MDGA2: variants seen among roughly 807,000 people sequenced by gnomAD.
MDGA2 encodes the protein MAM domain containing glycosylphosphatidylinositol anchor 2, also known as MAM domain-containing glycosylphosphatidylinositol anchor protein 2.
In MDGA2, 40 loss-of-function variants were observed where a neutral mutation model predicts 117.8. The ratio of observed to expected loss-of-function variants is 0.34; its 90% CI spans 0.26 to 0.44. The LOEUF is 0.44. Among genes scored for constraint, MDGA2 ranks in the 20% least tolerant of loss-of-function variants. The probability of loss-of-function intolerance (pLI) is 1.00; values close to 1 mark genes in which losing one functional copy is unlikely to be tolerated. For missense variants in MDGA2, 1,123 were observed against 1,250.6 expected, an observed-to-expected ratio of 0.90 and a Z score of 1.54; for synonymous variants, 452 against 439.0, an observed-to-expected ratio of 1.03 and a Z score of -0.37.
chr14:46,849,579 G>A (rs1285715180), intron 15 of MDGA2, among the ~76,000 whole-genome samples: 1 of 151,558 alleles, frequency 6.6e-6, no homozygotes, highest in Non-Finnish European at 1.5e-5. Context: ...ATGTGCCTTA[G>A]CCAAACTTTT....
At chr14:47,078,067 T>C (rs1044492072) in intron 6 of MDGA2, among the ~76,000 whole-genome samples, 1 of 152,176 alleles carries the variant, frequency 6.6e-6, no homozygotes, top group South Asian at 2.1e-4. Context: ...TGATATAATA[T>C]GATAGGATAT....
chr14:47,058,733 C>A, intron 7 of MDGA2: 1 of 985,346 alleles, frequency 1.0e-6, no homozygotes, highest in African/African-American at 1.7e-5. Context: ...CATCAAAGGT[C>A]AGTTTTGGCT....
At chr14:47,630,324 AC>A (rs1407889928) in intron 1 of MDGA2, among the ~76,000 whole-genome samples, 3 of 152,186 alleles carry the variant, frequency 2.0e-5, no homozygotes, top group Admixed American at 2.0e-4. Flanking sequence ...TACTATGGAA[AC>A]TAAATTTTTA....
chr14:47,558,637 C>G (rs1304108480), intron 1 of MDGA2, among the ~76,000 whole-genome samples: 1 of 152,210 alleles, frequency 6.6e-6, no homozygotes, highest in Non-Finnish European at 1.5e-5. Flanking sequence ...CTTTGTCCAT[C>G]TTGACAAGTT....
chr14:47,483,393 T>C (rs1255260352), intron 1 of MDGA2, among the ~76,000 whole-genome samples: 1 of 152,054 alleles, frequency 6.6e-6, no homozygotes, highest in African/African-American at 2.4e-5. Context: ...CAAACAATCA[T>C]CATAATCATG....
chr14:47,402,811 G>C (rs186497960), intron 1 of MDGA2, among the ~76,000 whole-genome samples: 76 of 152,126 alleles, frequency 5.0e-4, no homozygotes, highest in African/African-American at 1.7e-3. Context: ...CATTAAAAAT[G>C]TACCCATTAA....
At chr14:47,582,353 T>A (rs979589903) in intron 1 of MDGA2, among the ~76,000 whole-genome samples, 1 of 151,850 alleles carries the variant, frequency 6.6e-6, no homozygotes, top group African/African-American at 2.4e-5. Flanking sequence ...GGAATCACAA[T>A]CAATTCATGT....
intron 2 of MDGA2, among the ~76,000 whole-genome samples, chr14:47,292,549 A>C (rs1888926575): frequency 6.6e-6 from 1 of 152,168 alleles, no homozygotes; most frequent in Non-Finnish European, 1.5e-5. Flanking sequence ...AAGAGCCCTC[A>C]AAAGGCTTTG....
chr14:47,203,955 G>C (rs551152730), intron 3 of MDGA2, among the ~76,000 whole-genome samples: 68 of 152,000 alleles, frequency 4.5e-4, no homozygotes, highest in Middle Eastern at 3.4e-3. Context: ...TAAAAGAGGT[G>C]GTGAGATCTG....
chr14:47,208,215 T>C (rs1885756529), intron 3 of MDGA2, among the ~76,000 whole-genome samples: 1 of 152,046 alleles, frequency 6.6e-6, no homozygotes, highest in African/African-American at 2.4e-5. Flanking sequence ...ATATTTAAAG[T>C]ACTTGACCTT....
chr14:47,029,244 C>T (rs1888577281), intron 8 of MDGA2, among the ~76,000 whole-genome samples: 1 of 152,050 alleles, frequency 6.6e-6, no homozygotes, highest in African/African-American at 2.4e-5. Context: ...GAGAAAAAGC[C>T]TCAAAAATAA....
intron 1 of MDGA2, among the ~76,000 whole-genome samples, chr14:47,381,243 T>C (rs1274446281): frequency 1.3e-5 from 2 of 152,044 alleles, no homozygotes; most frequent in Non-Finnish European, 1.5e-5. Flanking sequence ...GACAAACCTA[T>C]AGCCAATATC....
At position 47,186,515 on chromosome 14, in the gene MDGA2, C is replaced by G. The variant is rs1884917594; in HGVS notation, c.595+31506G>C. On this transcript the variant is annotated intron_variant, in intron 3 of 16. Coordinates refer to ENST00000399232, the MANE Select transcript of MDGA2 (RefSeq NM_001113498.3). ...ACATTTATAGGGTGCTTACTATAGC[C>G]TAATTATTTTTCTACATGCTTTGTG... Among the ~76,000 whole-genome samples, 3 of 151,940 alleles carry G rather than the reference C, an allele frequency of 2.0e-5. No homozygotes were observed. In the South Asian group the frequency reaches 6.2e-4, roughly 31 times the overall value.
At chr14:47,642,719 T>C (rs772644248) in intron 1 of MDGA2, among the ~76,000 whole-genome samples, 3 of 152,060 alleles carry the variant, frequency 2.0e-5, no homozygotes, top group South Asian at 2.1e-4. Context: ...AGCATAAACA[T>C]TGTAAATTCC....
chr14:46,930,343 AT>A (rs575501462), intron 9 of MDGA2, among the ~76,000 whole-genome samples: 10 of 152,008 alleles, frequency 6.6e-5, no homozygotes, highest in South Asian at 2.1e-4. Context: ...TCATCAGCAT[AT>A]TTTTTTTAAA....
intron 3 of MDGA2, chr14:47,200,930 C>T: frequency 1.2e-6 from 1 of 834,368 alleles, no homozygotes; most frequent in Non-Finnish European, 2.1e-6. Flanking sequence ...GGGCAGCAAG[C>T]CTCGCTCGGT....
chr14:47,027,127 G>A (rs1391938807), intron 8 of MDGA2, among the ~76,000 whole-genome samples: 1 of 151,846 alleles, frequency 6.6e-6, no homozygotes, highest in African/African-American at 2.4e-5. Flanking sequence ...TTGTGCTACT[G>A]CAGTCCAGCC....
At chr14:47,245,993 G>A (rs1002778456) in intron 2 of MDGA2, among the ~76,000 whole-genome samples, 10 of 151,728 alleles carry the variant, frequency 6.6e-5, no homozygotes, top group South Asian at 4.2e-4. Context: ...CTTGCTCAAA[G>A]TCACATAGAG....
intron 2 of MDGA2, among the ~76,000 whole-genome samples, chr14:47,283,635 T>C (rs1888574363): frequency 6.6e-6 from 1 of 152,258 alleles, no homozygotes. Context: ...TAAATCTTTT[T>C]GATGCTCGGT....
Sources: allele counts gnomAD v4.1 joint callset (sites outside exome capture counted in the v4.1 genomes callset), GRCh38; gene constraint gnomAD v4.1.1; transcripts MANE v1.5; gene names NCBI Gene and HGNC (gene_info 2026-07-23, HGNC 2026-07-21).